The following RGS12 variants were observed in gnomAD, a reference collection of about 807,000 sequenced individuals.
RGS12 encodes the protein regulator of G-protein signaling 12.
In RGS12, 66 loss-of-function variants were observed where a neutral mutation model predicts 120.1. That is an observed-to-expected ratio of 0.55 (90% CI 0.45 to 0.67). The LOEUF is 0.67. Ranked by LOEUF, RGS12 falls within the 30% of genes least tolerant of loss-of-function variation. RGS12 has a pLI of 0.00. For synonymous variants in RGS12, 827 were observed against 804.7 expected (o/e 1.03, Z -0.47); for missense variants, 1,859 against 1,957.7 (o/e 0.95, Z 0.95).
intron 3 of RGS12, among the ~76,000 whole-genome samples, chr4:3,369,237 C>T (rs1413091766): frequency 1.3e-5 from 2 of 152,230 alleles, no homozygotes; most frequent in African/African-American, 4.8e-5. Context: ...TGAGAAAAGC[C>T]TTCTAAGGAA....
chr4:3,380,164 A>T (rs1247014138), intron 3 of RGS12, among the ~76,000 whole-genome samples: 3 of 152,272 alleles, frequency 2.0e-5, no homozygotes, highest in Admixed American at 2.0e-4. Flanking sequence ...GCCCCATGCA[A>T]GTCCAAAATG....
chr4:3,370,364 G>A, intron 3 of RGS12: 1 of 1,588,144 alleles, frequency 6.3e-7, no homozygotes, highest in South Asian at 1.1e-5. Context: ...TCAGTGGTAG[G>A]AAAGCGTGGC....
At position 3,389,543 on chromosome 4, in the gene RGS12, G is replaced by A. The variant is rs138747967; in HGVS notation, c.2020+3106G>A. Among the ~76,000 whole-genome samples, 1 of 152,270 alleles carries A rather than the reference G, an allele frequency of 6.6e-6. No individual in the cohort carries two copies. The highest frequency in any genetic ancestry group is 2.4e-5 in the African/African-American group (1 of 41,542). On this transcript the variant is annotated intron_variant, in intron 4 of 17. Transcript: ENST00000336727. This position sits in a 1 kb window ranked among gnomAD's most constrained non-coding sequence, Gnocchi z 5.2. ...TCTGGCTCTGCACAGAGCTGGAGCCGCGGCCGCACAGAAGCCCGTTCTTGT... is the reference window on the plus strand; with the variant it reads ...TCTGGCTCTGCACAGAGCTGGAGCCACGGCCGCACAGAAGCCCGTTCTTGT...
At chr4:3,375,912 C>T (rs973729097) in intron 3 of RGS12, among the ~76,000 whole-genome samples, 7 of 152,222 alleles carry the variant, frequency 4.6e-5, no homozygotes, top group African/African-American at 1.2e-4. Context: ...TCACGAATGT[C>T]GGCCTGGATG....
At chr4:3,361,430 C>T (rs1405900797) in intron 3 of RGS12, among the ~76,000 whole-genome samples, 2 of 152,120 alleles carry the variant, frequency 1.3e-5, no homozygotes, top group African/African-American at 4.8e-5. Context: ...TTTTCCCGCC[C>T]TTTTGAATGG....
At chr4:3,377,547 A>G (rs1387564664) in intron 3 of RGS12, among the ~76,000 whole-genome samples, 1 of 152,224 alleles carries the variant, frequency 6.6e-6, no homozygotes, top group African/African-American at 2.4e-5. Flanking sequence ...TGAAAAATGT[A>G]TATTACAGTA....
At chr4:3,363,658 G>A (rs932739153) in intron 3 of RGS12, among the ~76,000 whole-genome samples, 3 of 151,844 alleles carry the variant, frequency 2.0e-5, no homozygotes, top group East Asian at 1.9e-4. Context: ...GGCTCCATGC[G>A]GGAGTGAGGC....
At chr4:3,339,970 C>T (rs1358326135) in intron 2 of RGS12, among the ~76,000 whole-genome samples, 1 of 152,230 alleles carries the variant, frequency 6.6e-6, no homozygotes. Flanking sequence ...TCATTCCCCA[C>T]CCTTCTCAAG....
chr4:3,294,051 T>C (rs139352546), intron 1 of RGS12, among the ~76,000 whole-genome samples: 1,739 of 152,334 alleles, frequency 0.011, 28 homozygotes, highest in Middle Eastern at 0.034. Flanking sequence ...TCTCACCTGC[T>C]TGGTCACTTG....
At position 3,317,445 on chromosome 4, in the gene RGS12, C is replaced by A; in HGVS notation, c.1275C>A (p.Gly425=). 6.2e-7 allele frequency: 1 copy of A among 1,614,076 alleles called. No homozygotes were observed. The highest frequency in any genetic ancestry group is 1.7e-5 in the Admixed American group (1 of 60,034). Residue 425 remains glycine (G), a synonymous_variant, in exon 2 of 18, where the codon GGC becomes GGA. Transcript: ENST00000336727. ...NNSTSSNSDS[G]IGNFHQEEKS... ...GCACCAGCAGCAACAGTGACAGCGGCATTGGGAACTTCCACCAGGAGGAGA... is the reference window on the plus strand; with the variant it reads ...GCACCAGCAGCAACAGTGACAGCGGAATTGGGAACTTCCACCAGGAGGAGA...
rs199937546 is a variant in RGS12, at chr4:3,330,621, T to TA, written c.1882-12308dup. Among the ~76,000 whole-genome samples, 712 of 152,030 alleles carry TA rather than the reference T, an allele frequency of 4.7e-3. 8 individuals are homozygous for TA. Among genetic ancestry groups the TA allele is most frequent in the African/African-American group, 0.017 (685 of 41,452 alleles). Reference sequence around the variant, plus strand: ...ATGAAATTGTCTGTTGACAATGGAGTAAAAAAAATGTAGTATTTCCATACT... The same window carrying TA: ...ATGAAATTGTCTGTTGACAATGGAGTAAAAAAAAATGTAGTATTTCCATACT... On this transcript the variant is annotated intron_variant, in intron 2 of 17. Coordinates refer to ENST00000336727, the MANE Select transcript of RGS12 (RefSeq NM_001394154.1).
At chr4:3,325,154 AGGT>A (rs961802384) in intron 2 of RGS12, among the ~76,000 whole-genome samples, 1 of 152,208 alleles carries the variant, frequency 6.6e-6, no homozygotes, top group Non-Finnish European at 1.5e-5. Context: ...GTTTTCTGAA[AGGT>A]GATTTATGCA....
At chr4:3,414,332 C>T in intron 5 of RGS12, 91 bp downstream of exon 5, 1 of 1,392,888 alleles carries the variant, frequency 7.2e-7, no homozygotes, top group South Asian at 1.4e-5. Flanking sequence ...GAGACAGCGG[C>T]ACCCTGCGGG....
intron 1 of RGS12, among the ~76,000 whole-genome samples, chr4:3,305,443 G>C (rs1288672020): frequency 1.3e-5 from 2 of 151,884 alleles, no homozygotes; most frequent in African/African-American, 4.9e-5. Context: ...CATCTGCTCA[G>C]AGTCCCGCGT....
In RGS12 at chr4:3,439,722, G is replaced by A. The variant is rs549656812; in HGVS notation, c.*38G>A. 130 of 1,451,934 alleles carry A rather than the reference G, an allele frequency of 9.0e-5. No individual in the cohort carries two copies. The African/African-American group carries it at 1.5e-3, about 17-fold the overall frequency. The allele number at this position is 1,451,934 out of a possible 1,614,324, so 89.9% of individuals were successfully genotyped here. ...TGGCCAACTCTCCTGTGGACATGTC[G>A]GGGTGGGGCAGCCCAGGTGGATTCT... On this transcript the variant is annotated 3_prime_UTR_variant, in exon 18 of 18. Transcript: ENST00000336727.
intron 1 of RGS12, among the ~76,000 whole-genome samples, chr4:3,301,301 T>A (rs1177958016): frequency 6.6e-6 from 1 of 152,212 alleles, no homozygotes; most frequent in East Asian, 1.9e-4. Context: ...CACAGTACTG[T>A]GAACATTGGC....
chr4:3,312,819 GA>G, intron 1 of RGS12: 1 of 208,400 alleles, frequency 4.8e-6, no homozygotes, highest in Admixed American at 4.9e-5. Flanking sequence ...AGAAGGAGGT[GA>G]AGGGCAACCA....
chr4:3,316,161 G>A lies in RGS12; in HGVS notation c.-10G>A. On this transcript the variant is annotated 5_prime_UTR_variant, in exon 2 of 18. Transcript: ENST00000336727. The stretch of plus-strand genomic sequence containing the variant: ...ATGAGACGTGCTCTTGGTCTTGGAA[G>A]CTCATCAGAATGTTTAGAGCTGGGG... 3 of 1,530,742 alleles carry A rather than the reference G, an allele frequency of 2.0e-6. No homozygotes were observed. The highest frequency in any genetic ancestry group is 2.1e-5 in the Admixed American group (1 of 46,756). The allele number at this position is 1,530,742 out of a possible 1,614,324, so 94.8% of individuals were successfully genotyped here.
At chr4:3,338,671 T>C (rs952269683) in intron 2 of RGS12, among the ~76,000 whole-genome samples, 15 of 152,248 alleles carry the variant, frequency 9.9e-5, no homozygotes, top group African/African-American at 3.6e-4. Flanking sequence ...TCTGCTCCAC[T>C]CAGTGCCCTT....
Sources: allele counts gnomAD v4.1 joint callset (sites outside exome capture counted in the v4.1 genomes callset), GRCh38; gene constraint gnomAD v4.1.1; non-coding constraint Gnocchi (gnomAD v3.1); transcripts MANE v1.5; gene names NCBI Gene and HGNC (gene_info 2026-07-23, HGNC 2026-07-21).